PRSS3: variants seen among roughly 807,000 people sequenced by gnomAD.
The protein encoded by PRSS3 is serine protease 3, also known as trypsin-3.
In PRSS3, 14 loss-of-function variants were observed where a neutral mutation model predicts 20.8. The observed-to-expected ratio is 0.67, with a 90% CI of 0.44 to 1.05. The LOEUF (loss-of-function observed/expected upper bound fraction) is 1.05, where lower values mean the gene tolerates loss of function less well. PRSS3 is among the 50% of genes least tolerant of loss of function. PRSS3 has a pLI of 0.00. For missense variants in PRSS3, 237 were observed against 306.4 expected, an observed-to-expected ratio of 0.77 and a Z score of 1.69; for synonymous variants, 91 against 117.6, an observed-to-expected ratio of 0.77 and a Z score of 1.46.
At chr9:33,796,874 A>G (rs1824981368) in intron 2 of PRSS3, 72 bp downstream of exon 2, 2 of 1,612,920 alleles carry the variant, frequency 1.2e-6, no homozygotes, top group South Asian at 2.2e-5. Context: ...AGCCCAGGGA[A>G]GTACTGAGGT....
chr9:33,774,768 T>G (rs551539973), intron 1 of PRSS3, among the ~76,000 whole-genome samples: 11 of 152,152 alleles, frequency 7.2e-5, no homozygotes, highest in Admixed American at 7.2e-4. Context: ...GGTGGATCAC[T>G]TGAGGTCAGG....
At chr9:33,793,434 C>T (rs1824731685), upstream of PRSS3, among the ~76,000 whole-genome samples, 1 of 152,216 alleles carries the variant, frequency 6.6e-6, no homozygotes, top group Admixed American at 6.5e-5. Context: ...ACCTGGATAC[C>T]TCAGGCTTGG....
At position 33,797,856 on chromosome 9, in the gene PRSS3, C is replaced by T. The variant is rs532977255; in HGVS notation, c.228C>T (p.His76=). 2 of 1,614,192 alleles carry T rather than the reference C, an allele frequency of 1.2e-6. No individual in the cohort carries two copies. Among genetic ancestry groups the T allele is most frequent in the South Asian group, 2.2e-5 (2 of 91,086 alleles). ...GCATCCAGGTGAGACTGGGAGAGCA[C>T]AACATCAAAGTCCTGGAGGGGAATG... is the stretch of plus-strand genomic sequence containing the variant. ...KTRIQVRLGE[H]NIKVLEGNEQ... Residue 76 remains histidine, a synonymous_variant, in exon 3 of 5, where the codon CAC becomes CAT. Coordinates refer to ENST00000379405, the MANE Select transcript of PRSS3 (RefSeq NM_002771.4).
chr9:33,779,597 G>A (rs1196931141), intron 1 of PRSS3, among the ~76,000 whole-genome samples: 1 of 152,028 alleles, frequency 6.6e-6, no homozygotes, highest in Non-Finnish European at 1.5e-5. Context: ...GGCTGGGCGC[G>A]GTGGCTCACG....
At chr9:33,776,744 T>C (rs1823950802) in intron 1 of PRSS3, among the ~76,000 whole-genome samples, 1 of 152,142 alleles carries the variant, frequency 6.6e-6, no homozygotes, top group African/African-American at 2.4e-5. Context: ...CTTGATGTTA[T>C]ATCCATAGAA....
intron 1 of PRSS3, chr9:33,762,251 C>A (rs1230949672): frequency 6.6e-6 from 1 of 152,200 alleles, no homozygotes; most frequent in Non-Finnish European, 1.5e-5. Flanking sequence ...TGGTCTTACT[C>A]CTTCTGACCG....
chr9:33,773,004 G>GT (rs1401431254), intron 1 of PRSS3, among the ~76,000 whole-genome samples: 2 of 151,952 alleles, frequency 1.3e-5, no homozygotes, highest in Admixed American at 6.6e-5. Flanking sequence ...TTACTGCTTT[G>GT]TTTTTTTAAA....
chr9:33,792,197 G>T (rs1824662387), upstream of PRSS3, among the ~76,000 whole-genome samples: 1 of 152,104 alleles, frequency 6.6e-6, no homozygotes, highest in Non-Finnish European at 1.5e-5. Flanking sequence ...AATGGATGAG[G>T]AGAGGAGCTG....
chr9:33,788,857 T>C (rs1397759383), intron 1 of PRSS3, among the ~76,000 whole-genome samples: 3 of 152,194 alleles, frequency 2.0e-5, no homozygotes, highest in African/African-American at 7.2e-5. Flanking sequence ...TCTTTTTGCT[T>C]CTCTATGCTA....
intron 1 of PRSS3, among the ~76,000 whole-genome samples, chr9:33,785,160 A>ATTTTTTTTTTTTTTTTTTTTTTTTTTT (rs74180504): frequency 1.4e-5 from 1 of 72,500 alleles, no homozygotes; most frequent in Admixed American, 1.8e-4. Context: ...ATTGTGGTCA[A>ATTTTTTTTTTTTTTTTTTTTTTTTTTT]TTTTTTTTTT....
At position 33,798,537 on chromosome 9, in the gene PRSS3, C is replaced by G. The variant is rs146321688; in HGVS notation, c.506C>G (p.Ala169Gly). Residue 169 changes from alanine to glycine, a missense_variant, in exon 4 of 5, where the codon GCT becomes GGT. Coordinates refer to ENST00000379405, the MANE Select transcript of PRSS3 (RefSeq NM_002771.4). Reference sequence around the variant, plus strand: ...CTGGATGCTCCGGTGCTGACCCAGGCTGAGTGTAAAGCCTCCTACCCTGGA... The same window carrying G: ...CTGGATGCTCCGGTGCTGACCCAGGGTGAGTGTAAAGCCTCCTACCCTGGA... ...KCLDAPVLTQ[A>G]ECKASYPGKI... 6 of 1,614,038 alleles carry G rather than the reference C, an allele frequency of 3.7e-6. No homozygotes were observed. Among genetic ancestry groups the G allele is most frequent in the Non-Finnish European group, 5.1e-6 (6 of 1,180,024 alleles).
intron 1 of PRSS3, among the ~76,000 whole-genome samples, chr9:33,753,584 C>A (rs1374327778): frequency 6.6e-6 from 1 of 152,198 alleles, no homozygotes; most frequent in East Asian, 1.9e-4. Context: ...TGCCTATGTA[C>A]CTTCTGTTCT....
Position 33,752,387 on chromosome 9 carries a change from T to C in PRSS3, c.-53+1660T>C, listed in dbSNP as rs552973557. Among the ~76,000 whole-genome samples, 4 of 152,356 alleles carry C rather than the reference T, an allele frequency of 2.6e-5. No individual in the cohort carries two copies. In the East Asian group the frequency reaches 7.7e-4, roughly 29 times the overall value. On this transcript the variant is annotated intron_variant, in intron 1 of 5. Transcript: ENST00000342836. ...AAAGATTATCTCTTTTCCTCAAATG[T>C]AAAATGGGTGAGGACAGTTTCACCA...
At chr9:33,772,172 C>A (rs1823740020) in intron 1 of PRSS3, among the ~76,000 whole-genome samples, 1 of 152,120 alleles carries the variant, frequency 6.6e-6, no homozygotes, top group South Asian at 2.1e-4. Flanking sequence ...GCGCGCAGCC[C>A]CCAGGCTAGT....
At chr9:33,751,817 A>G (rs577906629) in intron 1 of PRSS3, among the ~76,000 whole-genome samples, 18 of 152,326 alleles carry the variant, frequency 1.2e-4, no homozygotes, top group Admixed American at 3.3e-4. Flanking sequence ...GAAATTACGG[A>G]AAGAATCAGG....
At chr9:33,763,678 G>A (rs769623888) in intron 1 of PRSS3, among the ~76,000 whole-genome samples, 185 of 131,628 alleles carry the variant, frequency 1.4e-3, no homozygotes, top group Non-Finnish European at 1.9e-3. Flanking sequence ...CAGCCTGGGC[G>A]AAAGAGCGAG....
intron 1 of PRSS3, among the ~76,000 whole-genome samples, chr9:33,775,985 T>G (rs540402224): frequency 2.6e-5 from 4 of 152,346 alleles, no homozygotes; most frequent in African/African-American, 9.6e-5. Flanking sequence ...ATTACAGGCA[T>G]GAGCCACTGC....
At chr9:33,794,708 C>G, upstream of PRSS3, 1 of 1,519,576 alleles carries the variant, frequency 6.6e-7, no homozygotes, top group Non-Finnish European at 8.8e-7. Flanking sequence ...GCTGTCAGCC[C>G]TGAGCAGGTG....
chr9:33,756,490 T>C (rs1373335175), intron 1 of PRSS3, among the ~76,000 whole-genome samples: 1 of 152,222 alleles, frequency 6.6e-6, no homozygotes, highest in Non-Finnish European at 1.5e-5. Context: ...TCTTCTGTTA[T>C]ATAATTTTCT....
Sources: gnomAD v4.1 joint callset for allele counts (sites outside exome capture counted in the v4.1 genomes callset) on GRCh38, gnomAD v4.1.1 for gene constraint, MANE v1.5 for transcripts, NCBI Gene and HGNC (gene_info 2026-07-23, HGNC 2026-07-21) for gene names.